Variants in LPCAT3 observed in about 807,000 individuals in gnomAD.
LPCAT3 encodes the protein lysophospholipid acyltransferase 5.
Under a neutral mutation model 63.4 loss-of-function variants are expected in LPCAT3, and 21 were observed. The ratio of observed to expected loss-of-function variants is 0.33; its 90% confidence interval spans 0.23 to 0.48. The LOEUF (loss-of-function observed/expected upper bound fraction) is 0.48, where lower values mean the gene tolerates loss of function less well. Among genes scored for constraint, LPCAT3 ranks in the 20% least tolerant of loss-of-function variants. LPCAT3 has a pLI of 0.99. For missense variants in LPCAT3, 451 were observed against 590.6 expected (o/e 0.76, Z 2.45); for synonymous variants, 242 against 227.5 (o/e 1.06, Z -0.58).
At chr12:6,978,779 ACTT>A in intron 7 of LPCAT3, 90 bp from the exon 8 acceptor site, 1 of 1,550,718 alleles carries the variant, frequency 6.4e-7, no homozygotes, top group Non-Finnish European at 8.7e-7. Context: ...GTGGCTGGCT[ACTT>A]CATACCTGCC....
At position 6,981,895 on chromosome 12, in the gene LPCAT3, G is replaced by A; in HGVS notation, c.376C>T (p.Leu126=). The part of the protein sequence containing the change: ...TTFCFQMAYL[L]AGYYYTATGN... ...GTGGCAGTGTAATAGTATCCAGCCA[G>A]AAGGTAGGCCTAGGAGAGGCAGAAG... Residue 126 remains leucine (L), a synonymous_variant, in exon 4 of 13, where the codon CTG becomes TTG. Transcript: ENST00000261407. 2.5e-6 allele frequency: 4 copies of A among 1,598,342 alleles called. No homozygotes were observed. Among genetic ancestry groups the A allele is most frequent in the Non-Finnish European group, 3.4e-6 (4 of 1,165,568 alleles).
chr12:6,990,916 C>CAAAAAAAAAAAAAAAAAAAGAAAAAAAA, intron 1 of LPCAT3, among the ~76,000 whole-genome samples: 1 of 68,138 alleles, frequency 1.5e-5, no homozygotes, highest in Non-Finnish European at 3.6e-5. Flanking sequence ...GACTCCAAAT[C>CAAAAAAAAAAAAAAAAAAAGAAAAAAAA]AAAAAAAAAA....
intron 1 of LPCAT3, among the ~76,000 whole-genome samples, chr12:6,991,433 T>C (rs1334400855): frequency 6.6e-6 from 1 of 152,234 alleles, no homozygotes; most frequent in African/African-American, 2.4e-5. Context: ...TGCAAAATAC[T>C]GGTTCCCTGT....
chr12:6,982,066 G>A (rs368998763), intron 3 of LPCAT3, among the ~76,000 whole-genome samples, 162 bp from the exon 4 acceptor site: 2 of 152,276 alleles, frequency 1.3e-5, no homozygotes, highest in African/African-American at 2.4e-5. Context: ...TGGGAAGAGC[G>A]TTGCTCAAGG....
intron 1 of LPCAT3, among the ~76,000 whole-genome samples, chr12:6,983,981 A>T (rs782762543): frequency 6.6e-6 from 1 of 152,354 alleles, no homozygotes; most frequent in Admixed American, 6.5e-5. Context: ...CGTCTCTATT[A>T]AAAAACAAGA....
intron 1 of LPCAT3, among the ~76,000 whole-genome samples, chr12:6,993,028 G>A (rs1946603706): frequency 6.6e-6 from 1 of 152,042 alleles, no homozygotes; most frequent in Admixed American, 6.6e-5. Context: ...CCATGAATGT[G>A]GAACCCACAA....
At chr12:6,978,171 G>A in intron 9 of LPCAT3, 170 bp downstream of exon 9, 1 of 760,954 alleles carries the variant, frequency 1.3e-6, no homozygotes. Context: ...TGACAGTAAT[G>A]GTTTTTTTGG....
chr12:6,977,822 C>T lies in LPCAT3; in HGVS notation c.1041-77G>A. ...CCGCCACCTGCCTCTGGGTCCTCACCCTGAGGATTGGATTGGAGTGCTGGT... is the reference window on the plus strand; with the variant it reads ...CCGCCACCTGCCTCTGGGTCCTCACTCTGAGGATTGGATTGGAGTGCTGGT... On this transcript the variant is annotated intron_variant, in intron 9 of 12. Transcript: ENST00000261407. This position sits in a 1 kb window ranked among gnomAD's most constrained non-coding sequence, Gnocchi z 4.5. The T allele has an allele frequency of 3.8e-6, 6 of 1,567,598 alleles. No individual in the cohort carries two copies. The highest frequency in any genetic ancestry group is 5.2e-6 in the Non-Finnish European group (6 of 1,144,662).
At chr12:7,005,141 T>A (rs146949732) in intron 1 of LPCAT3, among the ~76,000 whole-genome samples, 205 of 152,342 alleles carry the variant, frequency 1.3e-3, no homozygotes, top group Non-Finnish European at 2.4e-3. Context: ...CTATTTTCTG[T>A]CTTTACGAAT....
Position 6,978,693 on chromosome 12 carries a change from G to C in LPCAT3, c.787-4C>G, listed in dbSNP as rs1280453731. Reference sequence around the variant, plus strand: ...AGCGGAACCAGAAGGGGTGGTTCTTGAGGGAAGAAAGCACAGTGCATTAGG... The same window carrying C: ...AGCGGAACCAGAAGGGGTGGTTCTTCAGGGAAGAAAGCACAGTGCATTAGG... On this transcript the variant is annotated splice_region_variant and splice_polypyrimidine_tract_variant and intron_variant, in intron 7 of 12. Transcript: ENST00000261407. 6.2e-7 allele frequency: 1 copy of C among 1,614,140 alleles called. No individual in the cohort carries two copies. The highest frequency in any genetic ancestry group is 1.1e-5 in the South Asian group (1 of 91,066).
At position 7,017,509 on chromosome 12, in the gene LPCAT3, C is replaced by T. The variant is rs1438866772; in HGVS notation, c.151+765G>A. Reference sequence around the variant, plus strand: ...TACTATGCTACCTCCATGTATTAAACCATGGAGTGAGGATGCGGTAAAAAA... The same window carrying T: ...TACTATGCTACCTCCATGTATTAAATCATGGAGTGAGGATGCGGTAAAAAA... On this transcript the variant is annotated intron_variant, in intron 1 of 12. Coordinates refer to ENST00000261407, the MANE Select transcript of LPCAT3 (RefSeq NM_005768.6). This position sits in a 1 kb window ranked among gnomAD's most constrained non-coding sequence, Gnocchi z 4.1. 1.3e-5 allele frequency among the ~76,000 whole-genome samples: 2 copies of T among 152,108 alleles called. No homozygotes were observed. Among genetic ancestry groups the T allele is most frequent in the African/African-American group, 4.8e-5 (2 of 41,404 alleles).
chr12:6,989,312 T>TG (rs1946563922), intron 1 of LPCAT3, among the ~76,000 whole-genome samples: 1 of 142,268 alleles, frequency 7.0e-6, no homozygotes, highest in South Asian at 2.2e-4. Context: ...TCAAAATGCG[T>TG]GTTTTTTTTT....
rs1157395768 is a variant in LPCAT3, at chr12:6,986,795, CAAAAAA to C, written c.152-3262_152-3257del. ...CTGGTGACAGAGTGAGACTCTGTCT[CAAAAAA>C]AAAAAAAAAAAAAAAAAAAGTTACA... On this transcript the variant is annotated intron_variant, in intron 1 of 12. Transcript: ENST00000261407. 3.2e-4 allele frequency among the ~76,000 whole-genome samples: 11 copies of C among 33,922 alleles called. No individual in the cohort carries two copies. In the East Asian group the frequency reaches 8.6e-3, roughly 27 times the overall value. The allele number at this position is 33,922 out of a possible 152,430, so 22.3% of individuals were successfully genotyped here. A position where few individuals can be genotyped will look rare whatever the true frequency, so the allele number is the denominator to read the frequency against.
At chr12:6,978,860 A>G in intron 7 of LPCAT3, 171 bp from the exon 8 acceptor site, 3 of 851,062 alleles carry the variant, frequency 3.5e-6, no homozygotes, top group Non-Finnish European at 5.3e-6. Context: ...GAGAGGAATA[A>G]GCAGAGGGCC....
intron 1 of LPCAT3, among the ~76,000 whole-genome samples, chr12:7,013,258 G>A (rs1555157359): frequency 6.6e-6 from 1 of 152,190 alleles, no homozygotes; most frequent in South Asian, 2.1e-4. Context: ...CTTTCCTGAG[G>A]AACTGAACAA....
At position 6,976,431 on chromosome 12, in the gene LPCAT3, G is replaced by GTT. The variant is rs1214150583; in HGVS notation, c.*471_*472dup. 6.5e-6 allele frequency: 1 copy of GTT among 153,422 alleles called. No individual in the cohort carries two copies. The highest frequency in any genetic ancestry group is 1.5e-5 in the Non-Finnish European group (1 of 68,752). The allele number at this position is 153,422 out of a possible 1,614,324, so 9.5% of individuals were successfully genotyped here. On this transcript the variant is annotated 3_prime_UTR_variant, in exon 13 of 13. Coordinates refer to ENST00000261407, the MANE Select transcript of LPCAT3 (RefSeq NM_005768.6). ...GAGCCCCTCTGCTCCTCCCACAAGA[G>GTT]TTTCCCCTTTGGGCCGGGCACGGTG...
intron 1 of LPCAT3, among the ~76,000 whole-genome samples, chr12:7,008,780 T>C (rs1360975976): frequency 6.6e-6 from 1 of 151,976 alleles, no homozygotes; most frequent in East Asian, 1.9e-4. Context: ...ACAACTCCTC[T>C]GTATCTAACC....
At chr12:6,999,007 G>A (rs1182881477) in intron 1 of LPCAT3, among the ~76,000 whole-genome samples, 1 of 152,148 alleles carries the variant, frequency 6.6e-6, no homozygotes, top group Admixed American at 6.5e-5. Flanking sequence ...CAGTGACCTG[G>A]GAGTGAATCA....
At chr12:7,015,165 C>T (rs1946789911) in intron 1 of LPCAT3, among the ~76,000 whole-genome samples, 1 of 152,140 alleles carries the variant, frequency 6.6e-6, no homozygotes, top group Non-Finnish European at 1.5e-5. Context: ...GCACACAGAA[C>T]TGAAGTAAAA....
Sources: gnomAD v4.1 joint callset for allele counts (sites outside exome capture counted in the v4.1 genomes callset) on GRCh38, gnomAD v4.1.1 for gene constraint, Gnocchi (gnomAD v3.1) non-coding constraint, MANE v1.5 for transcripts, NCBI Gene and HGNC (gene_info 2026-07-23, HGNC 2026-07-21) for gene names.